ATF7IP: variants seen among roughly 807,000 people sequenced by gnomAD.
The protein encoded by ATF7IP is activating transcription factor 7-interacting protein 1.
Under a neutral mutation model 106.4 loss-of-function variants are expected in ATF7IP, and 23 were observed. The observed-to-expected ratio is 0.22, with a 90% CI of 0.16 to 0.31. The LOEUF (loss-of-function observed/expected upper bound fraction) is 0.31, where lower values mean the gene tolerates loss of function less well. Ranked by LOEUF, ATF7IP falls within the 10% of genes least tolerant of loss-of-function variation. The pLI is 1.00. For synonymous variants in ATF7IP, 542 were observed against 539.0 expected, an observed-to-expected ratio of 1.01 and a Z score of -0.08; for missense variants, 1,334 against 1,524.3, an observed-to-expected ratio of 0.88 and a Z score of 2.08.
chr12:14,369,427 TCA>T (rs1938442321), intron 1 of ATF7IP: 1 of 152,234 alleles, frequency 6.6e-6, no homozygotes, highest in African/African-American at 2.4e-5. Flanking sequence ...TGATTTTGGC[TCA>T]CTGTAACCTC....
intron 1 of ATF7IP, among the ~76,000 whole-genome samples, chr12:14,396,365 A>G (rs924362287): frequency 3.3e-5 from 5 of 152,138 alleles, no homozygotes; most frequent in African/African-American, 7.2e-5. Flanking sequence ...CAGCTGTGAT[A>G]GAAGCCATAC....
At chr12:14,444,422 G>A (rs904386124) in intron 5 of ATF7IP, among the ~76,000 whole-genome samples, 7 of 152,052 alleles carry the variant, frequency 4.6e-5, no homozygotes, top group African/African-American at 1.7e-4. Flanking sequence ...GAGGTTTCCT[G>A]GGTACATATG....
intron 1 of ATF7IP, among the ~76,000 whole-genome samples, chr12:14,422,186 TTAGAG>T (rs1375078594): frequency 6.6e-6 from 1 of 151,916 alleles, no homozygotes. Context: ...ATAATAAATA[TTAGAG>T]TAAATAATTA....
chr12:14,447,705 T>C (rs1943037576), intron 6 of ATF7IP, among the ~76,000 whole-genome samples: 1 of 152,202 alleles, frequency 6.6e-6, no homozygotes, highest in Admixed American at 6.5e-5. Context: ...GGTCTCTTAC[T>C]ATTTTCCCCA....
At chr12:14,394,539 T>G (rs1268689598) in intron 1 of ATF7IP, among the ~76,000 whole-genome samples, 1 of 152,176 alleles carries the variant, frequency 6.6e-6, no homozygotes, top group African/African-American at 2.4e-5. Context: ...GTACTCTCCT[T>G]TAGTTTGGTC....
intron 2 of ATF7IP, among the ~76,000 whole-genome samples, chr12:14,426,997 T>C (rs1286728182): frequency 1.3e-5 from 2 of 152,096 alleles, no homozygotes; most frequent in Non-Finnish European, 2.9e-5. Flanking sequence ...TACAAGACTG[T>C]GAGTACAGTG....
chr12:14,447,334 T>C (rs1053584793), intron 6 of ATF7IP, among the ~76,000 whole-genome samples: 1 of 143,266 alleles, frequency 7.0e-6, no homozygotes, highest in Non-Finnish European at 1.5e-5. Context: ...CAGGCTGGAG[T>C]GCAGTGGCAC....
At chr12:14,385,441 T>TTTAAA in intron 1 of ATF7IP, 1 of 1,518,058 alleles carries the variant, frequency 6.6e-7, no homozygotes, top group Non-Finnish European at 8.8e-7. Flanking sequence ...ATTCTCATTT[T>TTTAAA]TTTCTTTTTT....
chr12:14,433,357 T>C (rs1942235082), intron 2 of ATF7IP, among the ~76,000 whole-genome samples: 1 of 152,054 alleles, frequency 6.6e-6, no homozygotes, highest in African/African-American at 2.4e-5. Flanking sequence ...ATACAAAAAT[T>C]AGCTGGGCCT....
intron 1 of ATF7IP, among the ~76,000 whole-genome samples, chr12:14,377,357 ATT>A (rs748791843): frequency 2.3e-4 from 26 of 112,674 alleles, no homozygotes; most frequent in African/African-American, 7.7e-4. Context: ...GATTTATCCA[ATT>A]TTTTTTTTTT....
At chr12:14,459,893 C>T (rs886223711) in intron 8 of ATF7IP, among the ~76,000 whole-genome samples, 1 of 152,168 alleles carries the variant, frequency 6.6e-6, no homozygotes, top group Non-Finnish European at 1.5e-5. Flanking sequence ...CTGTCATCTT[C>T]GCTCAGTGCT....
Position 14,424,163 on chromosome 12 carries a change from G to A in ATF7IP, c.248G>A (p.Gly83Glu), listed in dbSNP as rs1480215207. 1 of 1,614,164 alleles carries A rather than the reference G, an allele frequency of 6.2e-7. No homozygotes were observed. The highest frequency in any genetic ancestry group is 2.2e-5 in the East Asian group (1 of 44,882). The stretch of plus-strand genomic sequence containing the variant: ...GAAGAGATTTGTTTTGATCCTGAAG[G>A]AAGTAAAGCAGAATGGAAGGAAACA... ...GIEEICFDPE[G>E]SKAEWKETPC... Residue 83 changes from glycine (G) to glutamate (E), a missense_variant, in exon 2 of 15, where the codon GGA (glycine) becomes GAA (glutamate). By Grantham distance (98) the Gly-to-Glu change is moderately conservative. This residue lies in a region of ATF7IP where 74 missense variants were observed against 101.9 expected (regional missense o/e 0.73). Transcript: ENST00000261168.
chr12:14,392,926 A>G (rs1182941817), intron 1 of ATF7IP, among the ~76,000 whole-genome samples: 4 of 152,204 alleles, frequency 2.6e-5, no homozygotes, highest in African/African-American at 7.2e-5. Flanking sequence ...ATATTTTACA[A>G]TAGCATTGAT....
chr12:14,485,550 A>G (rs1944576666), intron 13 of ATF7IP, among the ~76,000 whole-genome samples: 1 of 152,180 alleles, frequency 6.6e-6, no homozygotes, highest in African/African-American at 2.4e-5. Context: ...GACCAGTGTG[A>G]TATCTTCCAG....
intron 13 of ATF7IP, among the ~76,000 whole-genome samples, chr12:14,490,030 G>T (rs147415890): frequency 6.6e-6 from 1 of 152,190 alleles, no homozygotes; most frequent in South Asian, 2.1e-4. Flanking sequence ...ATGCCCGAGC[G>T]AGGGCTCAGT....
At chr12:14,385,557 A>AC (rs753675622) in intron 1 of ATF7IP, among the ~76,000 whole-genome samples, 61 of 152,200 alleles carry the variant, frequency 4.0e-4, no homozygotes, top group Non-Finnish European at 3.8e-4. Context: ...TGGAAACAGT[A>AC]CATAGCATGG....
At chr12:14,380,585 A>G (rs1388795786) in intron 1 of ATF7IP, among the ~76,000 whole-genome samples, 1 of 152,148 alleles carries the variant, frequency 6.6e-6, no homozygotes, top group Non-Finnish European at 1.5e-5. Flanking sequence ...GTCAGGACTT[A>G]GTCCTTCTCT....
chr12:14,411,331 A>G (rs1369577993), intron 1 of ATF7IP, among the ~76,000 whole-genome samples: 1 of 152,092 alleles, frequency 6.6e-6, no homozygotes, highest in Non-Finnish European at 1.5e-5. Flanking sequence ...GTGAGATGTT[A>G]TCTCATTGTG....
At chr12:14,366,591 T>G (rs1048072490) in intron 1 of ATF7IP, among the ~76,000 whole-genome samples, 3 of 152,252 alleles carry the variant, frequency 2.0e-5, no homozygotes, top group Non-Finnish European at 4.4e-5. Context: ...AGTTTTAATT[T>G]TAATCAGTTT....
Sources: gnomAD v4.1 joint callset for allele counts (sites outside exome capture counted in the v4.1 genomes callset) on GRCh38, gnomAD v4.1.1 for gene constraint, gnomAD v4.1.1 regional missense constraint, MANE v1.5 for transcripts, NCBI Gene and HGNC (gene_info 2026-07-23, HGNC 2026-07-21) for gene names.